The following ZSWIM3 variants were observed in gnomAD, a reference collection of about 807,000 sequenced individuals.
ZSWIM3 encodes zinc finger SWIM-type containing 3.
Under a neutral mutation model 47.5 loss-of-function variants are expected in ZSWIM3, and 27 were observed. The observed-to-expected ratio is 0.57, with a 90% CI of 0.42 to 0.78. The LOEUF is 0.78. Ranked by LOEUF, ZSWIM3 falls within the 30% of genes least tolerant of loss-of-function variation. The pLI, the probability that ZSWIM3 is intolerant of heterozygous loss-of-function variation, is 0.00. For synonymous variants in ZSWIM3, 333 were observed against 333.9 expected (o/e 1.00, Z 0.03); for missense variants, 689 against 861.3 (o/e 0.80, Z 2.50).
chr20:45,877,891 C>G lies in ZSWIM3; in HGVS notation c.1333C>G (p.Arg445Gly). 4 of 1,614,130 alleles carry G rather than the reference C, an allele frequency of 2.5e-6. No homozygotes were observed. Among genetic ancestry groups the G allele is most frequent in the Non-Finnish European group, 3.4e-6 (4 of 1,180,038 alleles). The change falls in exon 2 of 2, where the codon CGG becomes GGG. Residue 445 changes from arginine to glycine, a missense_variant. By Grantham distance (125) the Arg-to-Gly change is moderately radical. Coordinates refer to ENST00000255152, the MANE Select transcript of ZSWIM3 (RefSeq NM_080752.4). ...ACCTCCTCCCAAATTAAAGAGAGCT[C>G]GGCCGGCAAGCATGCCACTGAAGTC... is the stretch of plus-strand genomic sequence containing the variant. The part of the protein sequence containing the change: ...PTPPPKLKRA[R>G]PASMPLKSKK...
At chr20:45,860,780 A>C (rs1568744532) in intron 1 of ZSWIM3, among the ~76,000 whole-genome samples, 1 of 152,140 alleles carries the variant, frequency 6.6e-6, no homozygotes. Flanking sequence ...AAGTCAGCTG[A>C]TAGCCACCTT....
intron 1 of ZSWIM3, among the ~76,000 whole-genome samples, chr20:45,862,250 C>T (rs1304424501): frequency 1.4e-5 from 2 of 148,020 alleles, no homozygotes; most frequent in African/African-American, 2.5e-5. Flanking sequence ...CTGGTTCAAG[C>T]GATTCTCCTG....
In ZSWIM3 at chr20:45,872,972, TG is replaced by T. The variant is rs571166651; in HGVS notation, c.156-3741del. On this transcript the variant is annotated intron_variant, in intron 1 of 1. Transcript: ENST00000255152. ...AAGTGCAGGTGGAGTTTCTAGGCTA[TG>T]CCACGTCAGGCCAGGGGGTGAGATT... 14 of 1,148,968 alleles carry T rather than the reference TG, an allele frequency of 1.2e-5. No homozygotes were observed. In the East Asian group the frequency reaches 8.9e-4, roughly 73 times the overall value. The allele number at this position is 1,148,968 out of a possible 1,614,324, so 71.2% of individuals were successfully genotyped here.
chr20:45,865,465 G>T (rs1985815739), intron 1 of ZSWIM3, among the ~76,000 whole-genome samples: 1 of 151,236 alleles, frequency 6.6e-6, no homozygotes, highest in Admixed American at 6.7e-5. Context: ...TCCAGCCTGG[G>T]TGACAGAGTG....
At chr20:45,870,339 C>CAAA (rs11473047) in intron 1 of ZSWIM3, among the ~76,000 whole-genome samples, 10 of 143,818 alleles carry the variant, frequency 7.0e-5, no homozygotes, top group South Asian at 4.4e-4. Context: ...GACTCCGTCT[C>CAAA]AAAAAAAAAA....
In ZSWIM3 at chr20:45,877,625, C is replaced by A; in HGVS notation, c.1067C>A (p.Ala356Asp). The A allele has an allele frequency of 6.2e-7, 1 of 1,614,164 alleles. No individual in the cohort carries two copies. Among genetic ancestry groups the A allele is most frequent in the Non-Finnish European group, 8.5e-7 (1 of 1,180,018 alleles). Reference sequence around the variant, plus strand: ...AAAAATCTCTGCCAGATGTCCCAGGCCGTACTGGATGAGGATCTCTTCAAC... The same window carrying A: ...AAAAATCTCTGCCAGATGTCCCAGGACGTACTGGATGAGGATCTCTTCAAC... ...SLKNLCQMSQAVLDEDLFNFL... is the reference protein window; with the variant it reads ...SLKNLCQMSQDVLDEDLFNFL... Residue 356 changes from alanine to aspartate, a missense_variant, in exon 2 of 2, where the codon GCC becomes GAC. Ala to Asp is a moderately radical substitution (Grantham distance 126). Coordinates refer to ENST00000255152, the MANE Select transcript of ZSWIM3 (RefSeq NM_080752.4).
At chr20:45,860,486 C>T (rs1568744414) in intron 1 of ZSWIM3, among the ~76,000 whole-genome samples, 4 of 140,532 alleles carry the variant, frequency 2.8e-5, no homozygotes, top group South Asian at 4.5e-4. Flanking sequence ...ACTCCAGCCT[C>T]GGCAACAGAG....
chr20:45,877,161 C>A lies in ZSWIM3; in HGVS notation c.603C>A (p.Asp201Glu), dbSNP rs1433466092. 1 of 1,614,002 alleles carries A rather than the reference C, an allele frequency of 6.2e-7. No individual in the cohort carries two copies. The highest frequency in any genetic ancestry group is 1.3e-5 in the African/African-American group (1 of 74,898). Residue 201 changes from aspartate to glutamate, a missense_variant, in exon 2 of 2, where the codon GAC becomes GAA. Asp to Glu is a conservative substitution (Grantham distance 45). Transcript: ENST00000255152. ...SFSVGDSQHLDRLSFQSSKMT... is the reference protein window; with the variant it reads ...SFSVGDSQHLERLSFQSSKMT... ...GTGTGGGTGACAGCCAGCACCTGGA[C>A]CGGCTCAGCTTCCAGAGCAGTAAGA... is the stretch of plus-strand genomic sequence containing the variant.
At chr20:45,872,609 A>T in intron 1 of ZSWIM3, 3 of 878,572 alleles carry the variant, frequency 3.4e-6, no homozygotes, top group Non-Finnish European at 4.6e-6. Context: ...AGGGACAAAC[A>T]TGCACAAAGG....
intron 1 of ZSWIM3, among the ~76,000 whole-genome samples, chr20:45,862,374 C>T (rs1297740727): frequency 6.6e-6 from 1 of 151,898 alleles, no homozygotes; most frequent in African/African-American, 2.4e-5. Flanking sequence ...TCTCAATCTC[C>T]TGACCCGGTG....
rs534040084 is a variant in ZSWIM3 at position 45,871,443 on chromosome 20, C to T, written c.156-5271C>T. ...AATGACTGAGGCATAAAAAGTTCTT[C>T]CTATGACATAAGTAGTATAATAGGA... On this transcript the variant is annotated intron_variant, in intron 1 of 1. Coordinates refer to ENST00000255152, the MANE Select transcript of ZSWIM3 (RefSeq NM_080752.4). 4.6e-5 allele frequency among the ~76,000 whole-genome samples: 7 copies of T among 152,274 alleles called. No individual in the cohort carries two copies. The South Asian group carries it at 1.2e-3, about 27-fold the overall frequency.
intron 1 of ZSWIM3, among the ~76,000 whole-genome samples, chr20:45,866,472 C>T (rs1477795183): frequency 6.6e-6 from 1 of 151,900 alleles, no homozygotes; most frequent in Non-Finnish European, 1.5e-5. Flanking sequence ...CCTCTTGACA[C>T]AGTTTCATCC....
At chr20:45,867,001 A>ATTT (rs143983594) in intron 1 of ZSWIM3, among the ~76,000 whole-genome samples, 26,526 of 129,972 alleles carry the variant, frequency 0.2, 3,932 homozygotes, top group Non-Finnish European at 0.29. Context: ...TCAAGTTAGA[A>ATTT]ATTTTTTTTT....
At chr20:45,862,026 C>A (rs1175406889) in intron 1 of ZSWIM3, among the ~76,000 whole-genome samples, 1 of 151,832 alleles carries the variant, frequency 6.6e-6, no homozygotes, top group Non-Finnish European at 1.5e-5. Flanking sequence ...GAGACTCTGT[C>A]TCAAAATAAA....
Position 45,876,945 on chromosome 20 carries a change from T to C in ZSWIM3, c.387T>C (p.Pro129=). ...CAATGTGCCTGCAGAGACTCCAGCC[T>C]GTGCAGCCCACAACCAAAAAAGACC... is the stretch of plus-strand genomic sequence containing the variant. The part of the protein sequence containing the change: ...QKTMCLQRLQ[P]VQPTTKKDLD... The change falls in exon 2 of 2, where the codon CCT becomes CCC. Residue 129 remains proline (P), a synonymous_variant. Transcript: ENST00000255152. 1.9e-6 allele frequency: 3 copies of C among 1,614,144 alleles called. No homozygotes were observed. The highest frequency in any genetic ancestry group is 1.1e-5 in the South Asian group (1 of 91,088).
rs767070629 is a variant in ZSWIM3 at position 45,877,004 on chromosome 20, C to T, written c.446C>T (p.Ser149Leu). Reference protein sequence around the residue: ...DTAEKSLVEPSFCLDKVQVSS... With the variant: ...DTAEKSLVEPLFCLDKVQVSS... Reference sequence around the variant, plus strand: ...GCCGAGAAGTCCCTGGTTGAGCCATCGTTTTGCCTAGATAAGGTACAAGTG... The same window carrying T: ...GCCGAGAAGTCCCTGGTTGAGCCATTGTTTTGCCTAGATAAGGTACAAGTG... Residue 149 changes from serine (S) to leucine (L), a missense_variant, in exon 2 of 2, where the codon TCG (serine) becomes TTG (leucine). Transcript: ENST00000255152. 5 of 1,614,018 alleles carry T rather than the reference C, an allele frequency of 3.1e-6. No individual in the cohort carries two copies. The African/African-American group carries it at 6.7e-5, about 22-fold the overall frequency.
At chr20:45,867,003 T>A (rs1002523642) in intron 1 of ZSWIM3, among the ~76,000 whole-genome samples, 3 of 119,870 alleles carry the variant, frequency 2.5e-5, no homozygotes, top group South Asian at 6.0e-4. Flanking sequence ...AAGTTAGAAA[T>A]TTTTTTTTTT....
At position 45,877,998 on chromosome 20, in the gene ZSWIM3, G is replaced by GGTAC; in HGVS notation, c.1441_1444dup (p.Gln482ArgfsTer24). ...CCAAGCCAGACGCACAGCAGGTACAGGTACAGCAGCAGTCACAAGTGCCGC... is the reference window on the plus strand; with the variant it reads ...CCAAGCCAGACGCACAGCAGGTACAGGTACGTACAGCAGCAGTCACAAGTGCCGC... On this transcript the variant is annotated frameshift_variant, in exon 2 of 2. Coordinates refer to ENST00000255152, the MANE Select transcript of ZSWIM3 (RefSeq NM_080752.4). LOFTEE classifies it high-confidence loss of function. 6.2e-7 allele frequency: 1 copy of GGTAC among 1,614,168 alleles called. No homozygotes were observed. The highest frequency in any genetic ancestry group is 8.5e-7 in the Non-Finnish European group (1 of 1,180,038).
At position 45,878,641 on chromosome 20, in the gene ZSWIM3, C is replaced by T; in HGVS notation, c.2083C>T (p.His695Tyr). ...EGFPPATAVM[H>Y]Y Reference sequence around the variant, plus strand: ...ATTCCCTCCTGCTACAGCTGTGATGCATTATTGAAGCACTTTAGCTGAAGC... The same window carrying T: ...ATTCCCTCCTGCTACAGCTGTGATGTATTATTGAAGCACTTTAGCTGAAGC... Residue 695 changes from histidine (H) to tyrosine (Y), a missense_variant, in exon 2 of 2, where the codon CAT becomes TAT. Physicochemically the swap from His to Tyr is moderately conservative, Grantham distance 83 (BLOSUM62 2). Transcript: ENST00000255152. 1 of 1,605,162 alleles carries T rather than the reference C, an allele frequency of 6.2e-7. No homozygotes were observed.
Sources: gnomAD v4.1 joint callset for allele counts (sites outside exome capture counted in the v4.1 genomes callset) on GRCh38, gnomAD v4.1.1 for gene constraint, MANE v1.5 for transcripts, NCBI Gene and HGNC (gene_info 2026-07-23, HGNC 2026-07-21) for gene names.